LRFN5: variants seen among roughly 807,000 people sequenced by gnomAD.
LRFN5 encodes leucine rich repeat and fibronectin type III domain containing 5, also known as leucine-rich repeat and fibronectin type-III domain-containing protein 5.
LRFN5 carries 24 observed loss-of-function variants against 45.6 expected under a neutral mutation model. That is an observed-to-expected ratio of 0.53 (90% CI 0.38 to 0.74). The LOEUF (loss-of-function observed/expected upper bound fraction) is 0.74, where lower values mean the gene tolerates loss of function less well. Ranked by LOEUF, LRFN5 falls within the 30% of genes least tolerant of loss-of-function variation. The pLI, the probability that LRFN5 is intolerant of heterozygous loss-of-function variation, is 0.00. For synonymous variants in LRFN5, 340 were observed against 313.8 expected (o/e 1.08, Z -0.88); for missense variants, 776 against 861.5 (o/e 0.90, Z 1.24).
intron 3 of LRFN5, 99 bp downstream of exon 3, chr14:41,888,109 G>A: frequency 1.1e-6 from 1 of 893,398 alleles, no homozygotes; most frequent in Non-Finnish European, 1.7e-6. Context: ...GCTGTTCTGT[G>A]TTGTAATTCC....
chr14:41,830,739 T>C (rs1456457398), intron 2 of LRFN5, among the ~76,000 whole-genome samples: 1 of 152,000 alleles, frequency 6.6e-6, no homozygotes, highest in East Asian at 1.9e-4. Context: ...TAAAGGGAAG[T>C]TGATAGAGAT....
chr14:41,787,747 G>C (rs1411409891), intron 2 of LRFN5, among the ~76,000 whole-genome samples: 1 of 150,722 alleles, frequency 6.6e-6, no homozygotes, highest in Non-Finnish European at 1.5e-5. Flanking sequence ...TTTTCTCCTT[G>C]TAGTTTTTCA....
intron 1 of LRFN5, 68 bp from the exon 2 acceptor site, chr14:41,766,786 A>G (rs927561550): frequency 1.3e-5 from 2 of 152,448 alleles, no homozygotes; most frequent in South Asian, 2.1e-4. Context: ...AACAGCCACT[A>G]TATTTTTCAA....
chr14:41,759,316 A>G (rs1885546544), intron 1 of LRFN5, among the ~76,000 whole-genome samples: 1 of 152,050 alleles, frequency 6.6e-6, no homozygotes, highest in Non-Finnish European at 1.5e-5. Flanking sequence ...ATCTCTCTTA[A>G]CTATCTATGA....
At chr14:41,634,433 A>G (rs571196671) in intron 1 of LRFN5, among the ~76,000 whole-genome samples, 19 of 152,202 alleles carry the variant, frequency 1.2e-4, no homozygotes, top group Non-Finnish European at 1.6e-4. Context: ...TCAAAAAGCC[A>G]TAAAGGCAAA....
rs950317515 is a variant in LRFN5 at position 41,904,536 on chromosome 14, T to A, written c.*361T>A. 9 of 189,192 alleles carry A rather than the reference T, an allele frequency of 4.8e-5. No individual in the cohort carries two copies. Among genetic ancestry groups the A allele is most frequent in the Non-Finnish European group, 6.5e-5 (6 of 92,666 alleles). 11.7% of individuals were successfully genotyped at this position (189,192 alleles called of 1,614,324 possible). A position where few individuals can be genotyped will look rare whatever the true frequency, so the allele number is the denominator to read the frequency against. ...TATATCACTTTAACAAATAAATGTTTTACTATGACAGAATTTGCACATTGC... is the reference window on the plus strand; with the variant it reads ...TATATCACTTTAACAAATAAATGTTATACTATGACAGAATTTGCACATTGC... On this transcript the variant is annotated 3_prime_UTR_variant, in exon 6 of 6. Transcript: ENST00000298119.
intron 1 of LRFN5, among the ~76,000 whole-genome samples, chr14:41,738,897 A>C (rs1441357366): frequency 2.6e-5 from 4 of 152,240 alleles, no homozygotes; most frequent in Admixed American, 2.0e-4. Context: ...ACTATTTACA[A>C]CAAATGAATC....
intron 1 of LRFN5, among the ~76,000 whole-genome samples, chr14:41,671,581 C>A (rs1023177509): frequency 7.0e-6 from 1 of 142,414 alleles, no homozygotes; most frequent in African/African-American, 2.7e-5. Flanking sequence ...AATAGCTCAC[C>A]ATTGTGTGGA....
intron 2 of LRFN5, among the ~76,000 whole-genome samples, chr14:41,791,746 C>A (rs1201202650): frequency 2.0e-5 from 3 of 152,074 alleles, no homozygotes; most frequent in African/African-American, 4.8e-5. Context: ...TTAATCTCAA[C>A]TTTCAGGTAA....
chr14:41,851,040 T>G (rs1889248166), intron 2 of LRFN5, among the ~76,000 whole-genome samples: 1 of 151,754 alleles, frequency 6.6e-6, no homozygotes, highest in Non-Finnish European at 1.5e-5. Flanking sequence ...CATAGTATCT[T>G]ATGCATTTGC....
chr14:41,885,711 A>G (rs996884393), intron 2 of LRFN5, among the ~76,000 whole-genome samples: 2 of 152,010 alleles, frequency 1.3e-5, no homozygotes, highest in Admixed American at 6.6e-5. Context: ...AGATTTTTGT[A>G]TTTTCAGTTA....
At chr14:41,720,858 T>A (rs1302717930) in intron 1 of LRFN5, among the ~76,000 whole-genome samples, 1 of 152,084 alleles carries the variant, frequency 6.6e-6, no homozygotes, top group East Asian at 1.9e-4. Flanking sequence ...GTATATTCTC[T>A]TGTTGATAAG....
chr14:41,715,743 G>GCATT (rs2138756795), intron 1 of LRFN5, among the ~76,000 whole-genome samples: 1 of 152,278 alleles, frequency 6.6e-6, no homozygotes, highest in African/African-American at 2.4e-5. Context: ...TTTTTCAAGT[G>GCATT]CATTGTGCAA....
chr14:41,897,457 T>C (rs1890978108), intron 4 of LRFN5, among the ~76,000 whole-genome samples: 1 of 152,084 alleles, frequency 6.6e-6, no homozygotes, highest in Admixed American at 6.5e-5. Flanking sequence ...CATACATTTG[T>C]ATAAATATAT....
chr14:41,777,775 A>G (rs896807825), intron 2 of LRFN5, among the ~76,000 whole-genome samples: 5 of 151,862 alleles, frequency 3.3e-5, no homozygotes, highest in Admixed American at 1.3e-4. Flanking sequence ...TTTTGGATAT[A>G]TACACTGTAA....
intron 1 of LRFN5, among the ~76,000 whole-genome samples, chr14:41,615,719 T>C (rs935921357): frequency 6.6e-6 from 1 of 152,158 alleles, no homozygotes; most frequent in South Asian, 2.1e-4. Flanking sequence ...ATTTGATCAA[T>C]GTTTTCTTCT....
At chr14:41,756,172 G>T (rs1005101991) in intron 1 of LRFN5, among the ~76,000 whole-genome samples, 1 of 152,236 alleles carries the variant, frequency 6.6e-6, no homozygotes, top group Admixed American at 6.5e-5. Context: ...TGGGTAAGCC[G>T]ACCTTTCTCT....
intron 2 of LRFN5, among the ~76,000 whole-genome samples, chr14:41,853,582 T>A (rs1165282221): frequency 1.8e-4 from 27 of 152,168 alleles, no homozygotes; most frequent in Middle Eastern, 3.4e-3. Flanking sequence ...TAGGTTTCCA[T>A]TTTGGATATA....
intron 1 of LRFN5, among the ~76,000 whole-genome samples, chr14:41,617,613 A>G (rs1378645715): frequency 6.6e-6 from 1 of 152,112 alleles, no homozygotes; most frequent in African/African-American, 2.4e-5. Context: ...TATGTTTATA[A>G]AAGCACTTTA....
Sources: gnomAD v4.1 joint callset for allele counts (sites outside exome capture counted in the v4.1 genomes callset) on GRCh38, gnomAD v4.1.1 for gene constraint, MANE v1.5 for transcripts, NCBI Gene and HGNC (gene_info 2026-07-23, HGNC 2026-07-21) for gene names.